The following PRMT8 variants were observed in gnomAD, a reference collection of about 807,000 sequenced individuals.
PRMT8 encodes protein arginine N-methyltransferase 8.
A neutral mutation model predicts 47.1 loss-of-function variants in PRMT8; 7 were observed. The ratio of observed to expected loss-of-function variants is 0.15; its 90% CI spans 0.08 to 0.28. The LOEUF (loss-of-function observed/expected upper bound fraction) is 0.28. Among genes scored for constraint, PRMT8 ranks in the 10% least tolerant of loss-of-function variants. The probability of loss-of-function intolerance (pLI) is 1.00; values close to 1 mark genes in which losing one functional copy is unlikely to be tolerated. For missense variants in PRMT8, 237 were observed against 505.4 expected (o/e 0.47, Z 5.09); for synonymous variants, 188 against 186.5 (o/e 1.01, Z -0.07).
intron 1 of PRMT8, among the ~76,000 whole-genome samples, chr12:3,537,112 C>T (rs1175871995): frequency 6.6e-6 from 1 of 152,194 alleles, no homozygotes; most frequent in Non-Finnish European, 1.5e-5. Context: ...AAGTCTTGAC[C>T]TATTTTCATT....
intron 1 of PRMT8, among the ~76,000 whole-genome samples, chr12:3,449,096 T>G (rs916074615): frequency 1.3e-5 from 2 of 152,242 alleles, no homozygotes; most frequent in Non-Finnish European, 1.5e-5. Flanking sequence ...CATAGTATTC[T>G]GTGGTGTATA....
In PRMT8 at chr12:3,491,220, G is replaced by A. The variant is rs77557942; in HGVS notation, c.-406G>A. On this transcript the variant is annotated 5_prime_UTR_variant, in exon 1 of 10. Transcript: ENST00000382622. The stretch of plus-strand genomic sequence containing the variant: ...AGCGTGTTGCTTCGCCCAGCGGATC[G>A]GCAGAAGTTGAGAGGAGTTGGCGGC... 5.0e-6 allele frequency: 5 copies of A among 1,000,504 alleles called. No homozygotes were observed. The highest frequency in any genetic ancestry group is 5.7e-5 in the Admixed American group (1 of 17,488). 62.0% of individuals were successfully genotyped at this position (1,000,504 alleles called of 1,614,324 possible). A position where few individuals can be genotyped will look rare whatever the true frequency, so the allele number is the denominator to read the frequency against.
intron 1 of PRMT8, among the ~76,000 whole-genome samples, chr12:3,438,152 C>T (rs893965903): frequency 2.0e-5 from 3 of 152,140 alleles, no homozygotes; most frequent in Admixed American, 6.5e-5. Context: ...GAGCTGCCAG[C>T]GCACCTGTGA....
intron 1 of PRMT8, among the ~76,000 whole-genome samples, chr12:3,523,504 A>G (rs952832602): frequency 6.6e-5 from 10 of 152,132 alleles, no homozygotes; most frequent in African/African-American, 2.4e-4. Context: ...CCTTTAACCC[A>G]CCAGACAACC....
intron 4 of PRMT8, among the ~76,000 whole-genome samples, chr12:3,559,204 C>G (rs1195095736): frequency 7.9e-5 from 12 of 152,174 alleles, no homozygotes; most frequent in Non-Finnish European, 1.5e-5. Context: ...TGATGCCATT[C>G]CAGCTGGCTT....
chr12:3,496,992 A>G (rs1266291813), intron 1 of PRMT8, among the ~76,000 whole-genome samples: 1 of 151,238 alleles, frequency 6.6e-6, no homozygotes, highest in Non-Finnish European at 1.5e-5. Context: ...AAAGACAGTG[A>G]AACACAACAC....
upstream of PRMT8, among the ~76,000 whole-genome samples, chr12:3,486,614 A>G (rs930460454): frequency 2.0e-5 from 3 of 152,212 alleles, no homozygotes; most frequent in Non-Finnish European, 4.4e-5. Context: ...GGAGGAAAGG[A>G]GTAGAGTATA....
At position 3,508,186 on chromosome 12, in the gene PRMT8, T is replaced by C. The variant is rs1169690179; in HGVS notation, c.75+16486T>C. Among the ~76,000 whole-genome samples, 1 of 152,180 alleles carries C rather than the reference T, an allele frequency of 6.6e-6. No homozygotes were observed. The highest frequency in any genetic ancestry group is 1.5e-5 in the Non-Finnish European group (1 of 68,044). ...TTGTTGTTTCACTTTTAGGAGAAAA[T>C]TTATAGTTCATAATGGGAATAGTCA... On this transcript the variant is annotated intron_variant, in intron 1 of 9. Transcript: ENST00000382622. This position sits in a 1 kb window ranked among gnomAD's most constrained non-coding sequence, Gnocchi z 4.9.
chr12:3,470,814 C>T (rs1022251808), intron 1 of PRMT8, among the ~76,000 whole-genome samples: 9 of 152,150 alleles, frequency 5.9e-5, no homozygotes, highest in South Asian at 2.1e-4. Flanking sequence ...CACACTCAGG[C>T]GATTTCACCT....
chr12:3,418,993 C>T (rs1452555245), intron 1 of PRMT8, among the ~76,000 whole-genome samples: 2 of 152,226 alleles, frequency 1.3e-5, no homozygotes, highest in Non-Finnish European at 2.9e-5. Flanking sequence ...ATCAGAGGAA[C>T]AAGAGGCACT....
chr12:3,448,949 C>T (rs1864888456), intron 1 of PRMT8, among the ~76,000 whole-genome samples: 1 of 152,150 alleles, frequency 6.6e-6, no homozygotes, highest in Non-Finnish European at 1.5e-5. Context: ...CATGTGTTCT[C>T]ATTGTTCAGC....
upstream of PRMT8, among the ~76,000 whole-genome samples, chr12:3,490,675 A>AGAGAGAGAGAGAGAGAGAGAGAGAG (rs1865374699): frequency 5.0e-5 from 6 of 121,158 alleles, no homozygotes; most frequent in Non-Finnish European, 3.5e-5. Context: ...TTTGGGTACA[A>AGAGAGAGAGAGAGAGAGAGAGAGAG]AGAGAGAGAG....
chr12:3,407,326 G>A (rs1469150931), intron 1 of PRMT8, among the ~76,000 whole-genome samples: 1 of 152,012 alleles, frequency 6.6e-6, no homozygotes, highest in Non-Finnish European at 1.5e-5. Flanking sequence ...TATCATGAAG[G>A]ATAGCTTTAT....
chr12:3,435,551 T>A (rs1864730757), intron 1 of PRMT8, among the ~76,000 whole-genome samples: 1 of 148,966 alleles, frequency 6.7e-6, no homozygotes, highest in Non-Finnish European at 1.5e-5. Context: ...AGAGGGAGTC[T>A]CCCTTTGTCA....
Position 3,392,987 on chromosome 12 carries a change from T to A in PRMT8, c.48+11545T>A, listed in dbSNP as rs1210234473. Among the ~76,000 whole-genome samples the A allele has an allele frequency of 2.6e-5, 4 of 152,302 alleles. No individual in the cohort carries two copies. In the East Asian group the frequency reaches 7.7e-4, roughly 29 times the overall value. ...GTGATGGTGAGCATTTTTTCATGTG[T>A]TTTTTGGCTGCATAAATGTCTTCTT... On this transcript the variant is annotated intron_variant, in intron 1 of 9. Transcript: ENST00000452611.
At chr12:3,403,499 T>C (rs1373427048) in intron 1 of PRMT8, among the ~76,000 whole-genome samples, 2 of 148,626 alleles carry the variant, frequency 1.3e-5, no homozygotes, top group African/African-American at 4.9e-5. Context: ...AAAAAAAGGA[T>C]CCAGCATCTA....
chr12:3,568,469 C>T (rs537090992), intron 4 of PRMT8, among the ~76,000 whole-genome samples: 36 of 152,342 alleles, frequency 2.4e-4, no homozygotes, highest in Non-Finnish European at 4.1e-4. Flanking sequence ...ACGCATATAA[C>T]GGGCTTAGCG....
chr12:3,571,098 G>A lies in PRMT8; in HGVS notation c.712+1534G>A, dbSNP rs117317246. Among the ~76,000 whole-genome samples the A allele has an allele frequency of 9.1e-3, 1,387 of 152,334 alleles. 14 individuals carry two copies. The highest frequency in any genetic ancestry group is 0.016 in the Non-Finnish European group (1,072 of 68,030). On this transcript the variant is annotated intron_variant, in intron 6 of 9. Transcript: ENST00000382622. Reference sequence around the variant, plus strand: ...AGTGAGATGACATATATTAAAGGACGTGACAGTTCTTGGTCCTATAATGGG... The same window carrying A: ...AGTGAGATGACATATATTAAAGGACATGACAGTTCTTGGTCCTATAATGGG...
Position 3,540,612 on chromosome 12 carries a change from A to AGCCCCCCCC in PRMT8, c.90_91insCGCCCCCCC (p.Pro30_Ser31insArgProPro). The AGCCCCCCCC allele has an allele frequency of 2.1e-5, 24 of 1,131,132 alleles. No homozygotes were observed. The highest frequency in any genetic ancestry group is 3.1e-5 in the Non-Finnish European group (23 of 749,220). The allele number at this position is 1,131,132 out of a possible 1,614,324, so 70.1% of individuals were successfully genotyped here. ...CCCCTTCTCTTCCCCTCAGGTGAAC[A>AGCCCCCCCC]GCCCCCCCTCCCAGCCCCCCCAGCC... On this transcript the variant is annotated inframe_insertion, in exon 2 of 10. Coordinates refer to ENST00000382622, the MANE Select transcript of PRMT8 (RefSeq NM_019854.5).
Sources: gnomAD v4.1 joint callset for allele counts (sites outside exome capture counted in the v4.1 genomes callset) on GRCh38, gnomAD v4.1.1 for gene constraint, Gnocchi (gnomAD v3.1) non-coding constraint, MANE v1.5 for transcripts, NCBI Gene and HGNC (gene_info 2026-07-23, HGNC 2026-07-21) for gene names.